CLIP4: variants seen among roughly 807,000 people sequenced by gnomAD.
CLIP4 encodes the protein CAP-Gly domain containing linker protein family member 4, also known as CAP-Gly domain-containing linker protein 4.
A neutral mutation model predicts 73.1 loss-of-function variants in CLIP4; 47 were observed. That is an observed-to-expected ratio of 0.64 (90% CI 0.51 to 0.82). The LOEUF (loss-of-function observed/expected upper bound fraction) is 0.82, where lower values mean the gene tolerates loss of function less well. Among genes scored for constraint, CLIP4 ranks in the 40% least tolerant of loss-of-function variants. The pLI is 0.00. For missense variants in CLIP4, 874 were observed against 852.9 expected (o/e 1.02, Z -0.31); for synonymous variants, 306 against 295.4 (o/e 1.04, Z -0.37).
chr2:29,136,874 A>T (rs1211985328), intron 6 of CLIP4, among the ~76,000 whole-genome samples: 1 of 151,952 alleles, frequency 6.6e-6, no homozygotes, highest in Non-Finnish European at 1.5e-5. Context: ...TTAGGATGCC[A>T]TGAGATACGT....
chr2:29,154,236 A>C (rs1352448478), intron 9 of CLIP4, among the ~76,000 whole-genome samples: 1 of 152,220 alleles, frequency 6.6e-6, no homozygotes, highest in Non-Finnish European at 1.5e-5. Flanking sequence ...ATATAGACAG[A>C]AAGCTCCAAG....
At position 29,137,185 on chromosome 2, in the gene CLIP4, C is replaced by T. The variant is rs140094611; in HGVS notation, c.648+1519C>T. 4.6e-3 allele frequency among the ~76,000 whole-genome samples: 705 copies of T among 152,186 alleles called. 6 individuals carry two copies. The highest frequency in any genetic ancestry group is 0.016 in the African/African-American group (665 of 41,516). The stretch of plus-strand genomic sequence containing the variant: ...CCCACCTCCTTCCCTCCCACACTCC[C>T]TCCCGTCTTTAGGGGTCCCAGTGTC... On this transcript the variant is annotated intron_variant, in intron 6 of 15. Coordinates refer to ENST00000320081, the MANE Select transcript of CLIP4 (RefSeq NM_024692.6).
intron 2 of CLIP4, among the ~76,000 whole-genome samples, chr2:29,125,586 G>A (rs1337610560): frequency 3.3e-5 from 5 of 152,218 alleles, no homozygotes; most frequent in East Asian, 1.9e-4. Flanking sequence ...TCAACTCAGC[G>A]AGTTTGCTGG....
At chr2:29,103,696 T>G (rs893300552) in intron 1 of CLIP4, among the ~76,000 whole-genome samples, 4 of 151,454 alleles carry the variant, frequency 2.6e-5, no homozygotes, top group Admixed American at 6.6e-5. Context: ...GCTCTGTTTT[T>G]TTTTTGTTTT....
intron 8 of CLIP4, among the ~76,000 whole-genome samples, chr2:29,148,453 A>G (rs1372659097): frequency 6.6e-6 from 1 of 152,196 alleles, no homozygotes; most frequent in Non-Finnish European, 1.5e-5. Flanking sequence ...AAGTTTTAAT[A>G]CTTGGTGGTA....
intron 1 of CLIP4, among the ~76,000 whole-genome samples, chr2:29,107,294 G>C (rs1475877082): frequency 6.9e-6 from 1 of 145,788 alleles, no homozygotes; most frequent in Non-Finnish European, 1.5e-5. Context: ...AGATTTTCCT[G>C]TGTGTGTGTG....
In CLIP4 at chr2:29,143,761, C is replaced by A; in HGVS notation, c.701C>A (p.Pro234Gln). The A allele has an allele frequency of 1.9e-6, 3 of 1,614,002 alleles. No individual in the cohort carries two copies. Among genetic ancestry groups the A allele is most frequent in the Non-Finnish European group, 2.5e-6 (3 of 1,179,878 alleles). Reference sequence around the variant, plus strand: ...GTTGTTCCAGACCCAGTAGATATGCCGTTAGAGATGGCTGACGCCGCAGCC... The same window carrying A: ...GTTGTTCCAGACCCAGTAGATATGCAGTTAGAGATGGCTGACGCCGCAGCC... ...ADVVPDPVDM[P>Q]LEMADAAATA... The change falls in exon 7 of 16, where the codon CCG becomes CAG. Residue 234 changes from proline to glutamine, a missense_variant. Transcript: ENST00000320081.
At chr2:29,130,413 C>T (rs1664892283) in intron 2 of CLIP4, among the ~76,000 whole-genome samples, 1 of 152,184 alleles carries the variant, frequency 6.6e-6, no homozygotes, top group African/African-American at 2.4e-5. Context: ...GCTTAATTCT[C>T]ACTGGTTAGA....
chr2:29,116,331 G>C (rs1663832577), intron 1 of CLIP4, among the ~76,000 whole-genome samples: 1 of 152,222 alleles, frequency 6.6e-6, no homozygotes, highest in South Asian at 2.1e-4. Flanking sequence ...TGCTGAGACA[G>C]TGTTTTGATA....
intron 1 of CLIP4, among the ~76,000 whole-genome samples, chr2:29,116,675 T>C (rs1462120872): frequency 6.6e-6 from 1 of 152,254 alleles, no homozygotes; most frequent in South Asian, 2.1e-4. Context: ...AGAACCATCC[T>C]GGTTCCAGCT....
At chr2:29,181,402 A>T (rs1395607599) in intron 15 of CLIP4, among the ~76,000 whole-genome samples, 170 bp from the exon 16 acceptor site, 1 of 152,212 alleles carries the variant, frequency 6.6e-6, no homozygotes, top group African/African-American at 2.4e-5. Flanking sequence ...GGTCAACTGT[A>T]TACTCTAAAA....
At chr2:29,106,674 T>A (rs1668216033) in intron 1 of CLIP4, among the ~76,000 whole-genome samples, 1 of 152,100 alleles carries the variant, frequency 6.6e-6, no homozygotes, top group Non-Finnish European at 1.5e-5. Context: ...AAACAAGGAG[T>A]GAATCTTGCA....
chr2:29,104,281 TTTTG>T (rs2148434328), intron 1 of CLIP4, among the ~76,000 whole-genome samples: 2 of 151,976 alleles, frequency 1.3e-5, no homozygotes, highest in African/African-American at 4.8e-5. Context: ...GTCTCTTTGT[TTTTG>T]TTTGTTTGTT....
chr2:29,121,637 T>C (rs1317793705), intron 2 of CLIP4, 116 bp downstream of exon 2: 1 of 1,222,628 alleles, frequency 8.2e-7, no homozygotes, highest in African/African-American at 1.6e-5. Flanking sequence ...ATAAAATTGC[T>C]AAAGTTTTCC....
intron 11 of CLIP4, among the ~76,000 whole-genome samples, chr2:29,159,722 C>G (rs1194164265): frequency 7.0e-6 from 1 of 141,848 alleles, no homozygotes; most frequent in African/African-American, 2.6e-5. Context: ...AATCACATGA[C>G]TTTTTATATA....
At chr2:29,174,493 T>C in intron 15 of CLIP4, 48 bp downstream of exon 15, 11 of 1,587,264 alleles carry the variant, frequency 6.9e-6, no homozygotes, top group Non-Finnish European at 9.4e-6. Flanking sequence ...ATGAACATGA[T>C]GGGATTCTGT....
chr2:29,149,740 AAAAG>A (rs1216358329), intron 8 of CLIP4, among the ~76,000 whole-genome samples: 1 of 151,736 alleles, frequency 6.6e-6, no homozygotes, highest in Non-Finnish European at 1.5e-5. Flanking sequence ...AAAAAAAAAA[AAAAG>A]AAGAATGCAA....
At chr2:29,143,629 G>C (rs928450382) in intron 6 of CLIP4, 80 bp from the exon 7 acceptor site, 1 of 945,226 alleles carries the variant, frequency 1.1e-6, no homozygotes, top group Non-Finnish European at 1.7e-6. Flanking sequence ...TTAACGTAAA[G>C]TTCTTCCAAC....
intron 15 of CLIP4, among the ~76,000 whole-genome samples, chr2:29,180,279 T>C (rs1001801256): frequency 1.1e-4 from 16 of 152,164 alleles, no homozygotes; most frequent in Non-Finnish European, 1.5e-5. Context: ...CATGTTTCTA[T>C]TGTGGGTGAA....
Sources: allele counts gnomAD v4.1 joint callset (sites outside exome capture counted in the v4.1 genomes callset), GRCh38; gene constraint gnomAD v4.1.1; transcripts MANE v1.5; gene names NCBI Gene and HGNC (gene_info 2026-07-23, HGNC 2026-07-21).